DAP: variants seen among roughly 807,000 people sequenced by gnomAD.
The protein encoded by DAP is death associated protein.
A neutral mutation model predicts 13.8 loss-of-function variants in DAP; 8 were observed. The observed-to-expected ratio is 0.58, with a 90% confidence interval of 0.34 to 1.05. DAP has a LOEUF of 1.05. Ranked by LOEUF, DAP falls within the 50% of genes least tolerant of loss-of-function variation. The probability of loss-of-function intolerance (pLI) is 0.03; values close to 1 mark genes in which losing one functional copy is unlikely to be tolerated. For synonymous variants in DAP, 47 were observed against 47.5 expected (o/e 0.99, Z 0.04); for missense variants, 106 against 133.2 (o/e 0.80, Z 1.01).
chr5:10,731,130 A>G (rs562641811), intron 2 of DAP, among the ~76,000 whole-genome samples: 56 of 50,538 alleles, frequency 1.1e-3, no homozygotes, highest in African/African-American at 5.0e-3. Flanking sequence ...TGAGAGCCCT[A>G]GTGAGGGGGA....
intron 1 of DAP, among the ~76,000 whole-genome samples, chr5:10,750,362 C>T (rs1285626054): frequency 6.6e-6 from 1 of 152,076 alleles, no homozygotes; most frequent in East Asian, 1.9e-4. Context: ...GTGACGTTTG[C>T]TCCCAGGACC....
chr5:10,683,799 C>G (rs1282855314), intron 2 of DAP, among the ~76,000 whole-genome samples: 1 of 152,128 alleles, frequency 6.6e-6, no homozygotes, highest in Non-Finnish European at 1.5e-5. Context: ...CAGACTGCAG[C>G]CAACTGCGAG....
chr5:10,747,931 T>C (rs1739949969), intron 2 of DAP, among the ~76,000 whole-genome samples: 2 of 151,288 alleles, frequency 1.3e-5, no homozygotes, highest in African/African-American at 4.9e-5. Flanking sequence ...AGCCCCTGGG[T>C]GTGGGGTGGG....
chr5:10,752,622 C>T (rs1391935131), intron 1 of DAP, among the ~76,000 whole-genome samples: 4 of 151,800 alleles, frequency 2.6e-5, no homozygotes, highest in African/African-American at 9.7e-5. Context: ...ACCTTGGGAT[C>T]AAATCCCAGT....
intron 2 of DAP, among the ~76,000 whole-genome samples, chr5:10,684,712 CTT>C (rs1738113625): frequency 6.6e-6 from 1 of 152,214 alleles, no homozygotes; most frequent in Admixed American, 6.5e-5. Context: ...CTTCTGTACA[CTT>C]ATTTTTTATG....
At chr5:10,696,716 TTCTC>T (rs949546123) in intron 2 of DAP, among the ~76,000 whole-genome samples, 1 of 152,116 alleles carries the variant, frequency 6.6e-6, no homozygotes, top group Non-Finnish European at 1.5e-5. Flanking sequence ...AACACTTCCT[TTCTC>T]TCTCTCTCAT....
intron 2 of DAP, among the ~76,000 whole-genome samples, chr5:10,693,980 G>T (rs1408396948): frequency 6.6e-6 from 1 of 152,154 alleles, no homozygotes; most frequent in Non-Finnish European, 1.5e-5. Flanking sequence ...TACGGAGGAA[G>T]AAATGGTGCC....
intron 2 of DAP, among the ~76,000 whole-genome samples, chr5:10,712,342 AAC>A (rs1014236746): frequency 8.5e-5 from 13 of 152,198 alleles, no homozygotes; most frequent in African/African-American, 3.1e-4. Flanking sequence ...CTAACACAGC[AAC>A]ACACACAGCA....
intron 2 of DAP, among the ~76,000 whole-genome samples, chr5:10,700,897 T>C (rs753325238): frequency 5.9e-5 from 9 of 152,260 alleles, no homozygotes; most frequent in East Asian, 1.9e-4. Flanking sequence ...CCAGAATACA[T>C]TGGCTGACCA....
chr5:10,742,794 G>A (rs1739792596), intron 2 of DAP, among the ~76,000 whole-genome samples: 1 of 152,106 alleles, frequency 6.6e-6, no homozygotes, highest in Admixed American at 6.5e-5. Context: ...TGGGCCCTAG[G>A]GATGCTTATG....
chr5:10,731,674 A>T (rs1480960912), intron 2 of DAP, among the ~76,000 whole-genome samples: 1 of 152,220 alleles, frequency 6.6e-6, no homozygotes, highest in African/African-American at 2.4e-5. Flanking sequence ...TATCTAAGGC[A>T]ATCTTAGCAA....
intron 2 of DAP, among the ~76,000 whole-genome samples, chr5:10,730,932 C>A (rs1455484645): frequency 1.3e-5 from 1 of 75,350 alleles, no homozygotes; most frequent in Non-Finnish European, 2.7e-5. Context: ...TACTGAGAGC[C>A]CTAGTGAGGG....
At chr5:10,728,047 ACT>A (rs1417943628) in intron 2 of DAP, among the ~76,000 whole-genome samples, 2 of 147,776 alleles carry the variant, frequency 1.4e-5, no homozygotes, top group South Asian at 4.4e-4. Flanking sequence ...CAGTTGGGTG[ACT>A]CTGCCGTGGG....
chr5:10,681,818 G>A (rs981693730), intron 3 of DAP, among the ~76,000 whole-genome samples: 4 of 151,034 alleles, frequency 2.6e-5, no homozygotes, highest in Non-Finnish European at 5.9e-5. Flanking sequence ...TTGTATAAGA[G>A]GAAGCTCCAG....
rs184450296 is a variant in DAP at position 10,736,023 on chromosome 5, C to T, written c.152+12152G>A. The stretch of plus-strand genomic sequence containing the variant: ...AGGGTAGGCCCCTAATGCAATAGGA[C>T]AGGTGTCTTTATAAAAAGGGGAAGT... On this transcript the variant is annotated intron_variant, in intron 2 of 3. Coordinates refer to ENST00000230895, the MANE Select transcript of DAP (RefSeq NM_004394.3). 2.0e-5 allele frequency among the ~76,000 whole-genome samples: 3 copies of T among 152,262 alleles called. No homozygotes were observed. In the East Asian group the frequency reaches 5.8e-4, roughly 29 times the overall value.
chr5:10,682,992 T>G (rs1023903656), intron 3 of DAP: 2 of 180,586 alleles, frequency 1.1e-5, no homozygotes, highest in Admixed American at 6.3e-5. Flanking sequence ...CTGTCCAGTC[T>G]CAGGAGGGAC....
chr5:10,730,679 G>T (rs1739432301), intron 2 of DAP, among the ~76,000 whole-genome samples: 2 of 144,548 alleles, frequency 1.4e-5, no homozygotes, highest in South Asian at 2.4e-4. Context: ...GCCCTGGTGG[G>T]GGGGAATCTT....
At chr5:10,752,786 G>A (rs1740078621) in intron 1 of DAP, among the ~76,000 whole-genome samples, 2 of 152,294 alleles carry the variant, frequency 1.3e-5, no homozygotes, top group Admixed American at 6.5e-5. Flanking sequence ...GAGTGAAAAT[G>A]TTCCCCTCTC....
intron 1 of DAP, among the ~76,000 whole-genome samples, chr5:10,757,790 T>C (rs1277544364): frequency 6.6e-6 from 1 of 151,952 alleles, no homozygotes; most frequent in East Asian, 1.9e-4. Flanking sequence ...TTGAGGAAGG[T>C]GTGGGCCCGG....
Sources: gnomAD v4.1 joint callset for allele counts (sites outside exome capture counted in the v4.1 genomes callset) on GRCh38, gnomAD v4.1.1 for gene constraint, MANE v1.5 for transcripts, NCBI Gene and HGNC (gene_info 2026-07-23, HGNC 2026-07-21) for gene names.